The following NOTCH2NLA variants were observed in gnomAD, a reference collection of about 807,000 sequenced individuals.
The protein encoded by NOTCH2NLA is notch 2 N-terminal like A.
At chr1:146,185,516 A>C (rs1182426372) in intron 2 of NOTCH2NLA, among the ~76,000 whole-genome samples, 1 of 137,016 alleles carries the variant, frequency 7.3e-6, no homozygotes, top group Non-Finnish European at 1.7e-5. Flanking sequence ...TAGGGTACTT[A>C]GGCTCCTAAC....
chr1:146,180,694 CAT>C lies in NOTCH2NLA; in HGVS notation c.38+8604_38+8605del, dbSNP rs587646509. ...GCATGTGCACACGTGTGCATACACA[CAT>C]ATGACAGGAGGACGGAGAGACACTA... On this transcript the variant is annotated intron_variant, in intron 2 of 4. Coordinates refer to ENST00000362074, the Ensembl canonical transcript of NOTCH2NLA. Among the ~76,000 whole-genome samples, 417 of 143,052 alleles carry C rather than the reference CAT, an allele frequency of 2.9e-3. 42 individuals carry two copies. Among genetic ancestry groups the C allele is most frequent in the Non-Finnish European group, 5.0e-3 (312 of 62,320 alleles). 93.8% of individuals were successfully genotyped at this position (143,052 alleles called of 152,430 possible).
At chr1:146,182,258 TA>T (rs1662566638) in intron 2 of NOTCH2NLA, among the ~76,000 whole-genome samples, 1 of 139,034 alleles carries the variant, frequency 7.2e-6, no homozygotes, top group Non-Finnish European at 1.7e-5. Flanking sequence ...TTAAAACAGG[TA>T]ATTCTGTCCC....
rs1263725213 is a variant in NOTCH2NLA, at chr1:146,183,618, G to C, written c.38+5682C>G. Among the ~76,000 whole-genome samples, 3 of 117,204 alleles carry C rather than the reference G, an allele frequency of 2.6e-5. 1 individual carries two copies. Among genetic ancestry groups the C allele is most frequent in the African/African-American group, 1.1e-4 (3 of 27,676 alleles). The allele number at this position is 117,204 out of a possible 152,430, so 76.9% of individuals were successfully genotyped here. On this transcript the variant is annotated intron_variant, in intron 2 of 4. Transcript: ENST00000362074. Reference sequence around the variant, plus strand: ...AACCAGTTTCAGCTGAGAAGAAAGAGAAAGTAATTTAACAGTTGATATTTT... The same window carrying C: ...AACCAGTTTCAGCTGAGAAGAAAGACAAAGTAATTTAACAGTTGATATTTT...
intron 2 of NOTCH2NLA, among the ~76,000 whole-genome samples, chr1:146,183,376 C>A (rs1260382743): frequency 2.9e-5 from 4 of 138,460 alleles, no homozygotes. Context: ...CAATAAATAA[C>A]TCTTGAATTA....
intron 3 of NOTCH2NLA, among the ~76,000 whole-genome samples, chr1:146,159,445 A>AAGAAAGAG (rs1206207751): frequency 8.6e-5 from 12 of 139,836 alleles, no homozygotes; most frequent in Non-Finnish European, 1.6e-4. Context: ...GAAAGAAAGA[A>AAGAAAGAG]AGAGAAAGAA....
At chr1:146,176,702 T>C (rs1571294269) in intron 2 of NOTCH2NLA, among the ~76,000 whole-genome samples, 1 of 109,826 alleles carries the variant, frequency 9.1e-6, no homozygotes, top group East Asian at 2.2e-4. Context: ...CCAAAATGCT[T>C]TTCCCCACCT....
exon 1 of NOTCH2NLA, chr1:146,228,853 T>A (rs1188923016): frequency 2.4e-5 from 35 of 1,488,650 alleles, no homozygotes; most frequent in Non-Finnish European, 2.8e-5. Context: ...GGGGTCCCGA[T>A]AGAGGAGCCC....
chr1:146,152,588 CATT>C (rs1250856667), downstream of NOTCH2NLA: 2 of 39,644 alleles, frequency 5.0e-5, no homozygotes, highest in African/African-American at 8.7e-5. Flanking sequence ...TTTCTCTCCC[CATT>C]ATTGGCCCTA....
rs587634277 is a variant in NOTCH2NLA, at chr1:146,187,618, A to G, written c.38+1682T>C. ...TAGGCATTAACTATGCAAAAAATGC[A>G]TAAGACTAAGACCTCACATTCTAGC... is the stretch of plus-strand genomic sequence containing the variant. On this transcript the variant is annotated intron_variant, in intron 2 of 4. Transcript: ENST00000362074. Among the ~76,000 whole-genome samples the G allele has an allele frequency of 1.4e-4, 19 of 136,294 alleles. 1 individual carries two copies. The East Asian group carries it at 2.4e-3, about 17-fold the overall frequency. The allele number at this position is 136,294 out of a possible 152,430, so 89.4% of individuals were successfully genotyped here. A position where few individuals can be genotyped will look rare whatever the true frequency, so the allele number is the denominator to read the frequency against.
At chr1:146,158,372 G>T (rs1553803371) in intron 3 of NOTCH2NLA, among the ~76,000 whole-genome samples, 1 of 150,768 alleles carries the variant, frequency 6.6e-6, no homozygotes, top group East Asian at 2.0e-4. Flanking sequence ...GTGTCCAAGT[G>T]TTCTCATTGT....
rs1662494952 is a variant in NOTCH2NLA, at chr1:146,180,501, T to A, written c.38+8799A>T. On this transcript the variant is annotated intron_variant, in intron 2 of 4. Coordinates refer to ENST00000362074, the Ensembl canonical transcript of NOTCH2NLA. ...GCTGATGGAGTCTAAGAATTGGCAA[T>A]ACATTTTTGGACTCAGAGGACTAAG... 1.4e-5 allele frequency among the ~76,000 whole-genome samples: 2 copies of A among 142,564 alleles called. 1 individual carries two copies. Among genetic ancestry groups the A allele is most frequent in the South Asian group, 4.3e-4 (2 of 4,648 alleles). 93.5% of individuals were successfully genotyped at this position (142,564 alleles called of 152,430 possible). A position where few individuals can be genotyped will look rare whatever the true frequency, so the allele number is the denominator to read the frequency against.
intron 2 of NOTCH2NLA, among the ~76,000 whole-genome samples, chr1:146,174,780 T>C (rs1207549600): frequency 4.2e-5 from 6 of 141,590 alleles, no homozygotes; most frequent in Non-Finnish European, 9.7e-5. Flanking sequence ...GGGGGAGCTG[T>C]CGTTAAGGTA....
At chr1:146,219,485 C>T (rs1331173247) in intron 1 of NOTCH2NLA, among the ~76,000 whole-genome samples, 1 of 111,096 alleles carries the variant, frequency 9.0e-6, no homozygotes, top group Non-Finnish European at 1.8e-5. Context: ...TAATTATTTC[C>T]ATACATATTG....
At chr1:146,201,021 C>T (rs1663398168) in intron 1 of NOTCH2NLA, among the ~76,000 whole-genome samples, 1 of 30,930 alleles carries the variant, frequency 3.2e-5, no homozygotes, top group African/African-American at 1.6e-4. Context: ...TAAAGGCTTT[C>T]TTTGTTCTAG....
At chr1:146,174,400 C>CT (rs1209878010) in intron 2 of NOTCH2NLA, among the ~76,000 whole-genome samples, 3,439 of 95,742 alleles carry the variant, frequency 0.036, 35 homozygotes, top group Admixed American at 0.061. Context: ...CTGTCTTTAG[C>CT]TTTTTTTTTT....
At chr1:146,219,732 T>A (rs1664014162) in intron 1 of NOTCH2NLA, among the ~76,000 whole-genome samples, 1 of 90,144 alleles carries the variant, frequency 1.1e-5, no homozygotes, top group Non-Finnish European at 2.0e-5. Flanking sequence ...AAATAAAACC[T>A]AGTGTTGACA....
intron 2 of NOTCH2NLA, among the ~76,000 whole-genome samples, chr1:146,182,702 CG>C (rs1662595917): frequency 1.5e-5 from 2 of 134,232 alleles, no homozygotes; most frequent in African/African-American, 5.1e-5. Context: ...AAAAATTAGC[CG>C]GGTGTGGTGG....
chr1:146,162,137 CT>C (rs1405579577), intron 3 of NOTCH2NLA, among the ~76,000 whole-genome samples: 1 of 138,532 alleles, frequency 7.2e-6, no homozygotes, highest in African/African-American at 2.7e-5. Context: ...CACACTTGTA[CT>C]AAGAAAATAT....
At chr1:146,159,439 GAAAGAAAGAGAA>G (rs1661369880) in intron 3 of NOTCH2NLA, among the ~76,000 whole-genome samples, 1 of 149,252 alleles carries the variant, frequency 6.7e-6, no homozygotes, top group Admixed American at 6.7e-5. Flanking sequence ...AAGAAAGAAA[GAAAGAAAGAGAA>G]AGAAAGAAAG....
Sources: allele counts gnomAD v4.1 joint callset (sites outside exome capture counted in the v4.1 genomes callset), GRCh38; gene constraint gnomAD v4.1.1; transcripts MANE v1.5; gene names NCBI Gene and HGNC (gene_info 2026-07-23, HGNC 2026-07-21).